PRKD1: variants seen among roughly 807,000 people sequenced by gnomAD.
PRKD1 encodes the protein serine/threonine-protein kinase D1.
In PRKD1, 63 loss-of-function variants were observed where a neutral mutation model predicts 95.9. That is an observed-to-expected ratio of 0.66 (90% CI 0.54 to 0.81). The LOEUF is 0.81. Among genes scored for constraint, PRKD1 ranks in the 30% least tolerant of loss-of-function variants. The pLI, the probability that PRKD1 is intolerant of heterozygous loss-of-function variation, is 0.00. For missense variants in PRKD1, 1,048 were observed against 1,165.3 expected (o/e 0.90, Z 1.47); for synonymous variants, 425 against 423.1 (o/e 1.00, Z -0.05).
intron 1 of PRKD1, among the ~76,000 whole-genome samples, chr14:29,840,834 C>G (rs1356327260): frequency 6.6e-6 from 1 of 152,204 alleles, no homozygotes; most frequent in Non-Finnish European, 1.5e-5. Flanking sequence ...CGGGAAAGAC[C>G]TGACCCCATG....
chr14:29,678,648 T>C lies in PRKD1; in HGVS notation c.404-12440A>G, dbSNP rs148568681. Among the ~76,000 whole-genome samples, 30 of 152,294 alleles carry C rather than the reference T, an allele frequency of 2.0e-4. No homozygotes were observed. In the East Asian group the frequency reaches 5.0e-3, roughly 25 times the overall value. On this transcript the variant is annotated intron_variant, in intron 2 of 17. Transcript: ENST00000331968. ...AAACTCAAATTTCAAAGAGTATGTG[T>C]GTGCACATATTAGGGCAAAGAGGAC...
chr14:29,753,683 T>C (rs1887575913), intron 1 of PRKD1, among the ~76,000 whole-genome samples: 1 of 152,168 alleles, frequency 6.6e-6, no homozygotes, highest in African/African-American at 2.4e-5. Context: ...TATGCATTTA[T>C]TTTGATTTAC....
intron 14 of PRKD1, 145 bp from the exon 15 acceptor site, chr14:29,599,270 G>A (rs975448327): frequency 6.4e-5 from 44 of 688,368 alleles, no homozygotes; most frequent in Admixed American, 1.5e-4. Context: ...GATTAACATA[G>A]GTTTCTAAAG....
chr14:29,873,737 CTG>C (rs1212411167), intron 1 of PRKD1, among the ~76,000 whole-genome samples: 1 of 151,766 alleles, frequency 6.6e-6, no homozygotes, highest in Non-Finnish European at 1.5e-5. Context: ...AGAAAAAACA[CTG>C]TAAAAATAGA....
intron 1 of PRKD1, among the ~76,000 whole-genome samples, chr14:29,778,741 T>C (rs1218417418): frequency 1.3e-5 from 2 of 152,132 alleles, no homozygotes; most frequent in Non-Finnish European, 2.9e-5. Flanking sequence ...CCTTCTGAAA[T>C]GATTCCAATT....
intron 1 of PRKD1, among the ~76,000 whole-genome samples, chr14:29,760,859 T>C (rs866718687): frequency 6.6e-6 from 1 of 152,238 alleles, no homozygotes; most frequent in Non-Finnish European, 1.5e-5. Flanking sequence ...TATATAGTTA[T>C]ATAATAAAAG....
chr14:29,796,618 A>G (rs1889829850), intron 1 of PRKD1, among the ~76,000 whole-genome samples: 2 of 152,124 alleles, frequency 1.3e-5, no homozygotes, highest in African/African-American at 4.8e-5. Flanking sequence ...AAAAGGTCTG[A>G]AAAATGTGGA....
At chr14:29,860,246 A>G (rs1222218323) in intron 1 of PRKD1, among the ~76,000 whole-genome samples, 1 of 152,244 alleles carries the variant, frequency 6.6e-6, no homozygotes, top group African/African-American at 2.4e-5. Flanking sequence ...TTTAGACATG[A>G]CCCACTGTGT....
intron 2 of PRKD1, among the ~76,000 whole-genome samples, chr14:29,718,465 T>C (rs1272811870): frequency 1.3e-5 from 2 of 152,162 alleles, no homozygotes; most frequent in Non-Finnish European, 2.9e-5. Flanking sequence ...CCCAGTCTCA[T>C]GTAGTATCTT....
intron 16 of PRKD1, chr14:29,591,048 A>G (rs1893108760): frequency 1.3e-5 from 2 of 152,220 alleles, no homozygotes; most frequent in Admixed American, 6.5e-5. Flanking sequence ...AAGTGCTGGG[A>G]TTACAGGCAT....
intron 1 of PRKD1, among the ~76,000 whole-genome samples, chr14:29,854,498 G>A (rs1892423777): frequency 6.6e-6 from 1 of 152,208 alleles, no homozygotes. Context: ...AAGCATTCAA[G>A]AGGAGACTTG....
chr14:29,626,731 T>TC (rs1459112051), intron 11 of PRKD1, among the ~76,000 whole-genome samples, 175 bp from the exon 12 acceptor site: 1 of 151,368 alleles, frequency 6.6e-6, no homozygotes, highest in East Asian at 1.9e-4. Context: ...TTTTTTTTTT[T>TC]TGAGATGGAG....
At position 29,733,353 on chromosome 14, in the gene PRKD1, C is replaced by A. The variant is rs1255975895; in HGVS notation, c.265-7679G>T. On this transcript the variant is annotated intron_variant, in intron 1 of 17. Transcript: ENST00000331968. The stretch of plus-strand genomic sequence containing the variant: ...TCCTGGCCTCGTGATCCACCCACCT[C>A]GGCCTCCAAGTGCTGGGATTACAGG... Among the ~76,000 whole-genome samples, 3 of 152,046 alleles carry A rather than the reference C, an allele frequency of 2.0e-5. No individual in the cohort carries two copies. The East Asian group carries it at 5.8e-4, about 29-fold the overall frequency.
chr14:29,861,921 G>C (rs918287769), intron 1 of PRKD1, among the ~76,000 whole-genome samples: 2 of 152,176 alleles, frequency 1.3e-5, no homozygotes, highest in African/African-American at 4.8e-5. Context: ...CAAAGTGCTG[G>C]GATTATAGTC....
intron 2 of PRKD1, among the ~76,000 whole-genome samples, chr14:29,676,187 T>TTTTTTTGTTTTTTTTTTG: frequency 8.3e-6 from 1 of 120,218 alleles, no homozygotes; most frequent in African/African-American, 3.5e-5. Flanking sequence ...GTTTTTGTTT[T>TTTTTTTGTTTTTTTTTTG]TTTTTTTTTT....
intron 4 of PRKD1, among the ~76,000 whole-genome samples, chr14:29,654,041 AG>A (rs1350489271): frequency 6.6e-6 from 1 of 152,140 alleles, no homozygotes; most frequent in Admixed American, 6.5e-5. Context: ...CACTATTTTC[AG>A]TAGAGTTAAA....
chr14:29,873,211 G>A (rs1050584618), intron 1 of PRKD1, among the ~76,000 whole-genome samples: 1 of 152,052 alleles, frequency 6.6e-6, no homozygotes, highest in Non-Finnish European at 1.5e-5. Flanking sequence ...TCAGCCTCCT[G>A]AGTAGCTGGG....
chr14:29,733,155 T>C (rs1886535209), intron 1 of PRKD1, among the ~76,000 whole-genome samples: 1 of 151,152 alleles, frequency 6.6e-6, no homozygotes, highest in South Asian at 2.1e-4. Flanking sequence ...CAGGCTGGAG[T>C]GCAGTGGCGC....
rs116912395 is a variant in PRKD1, at chr14:29,707,511, A to C, written c.403+18025T>G. The stretch of plus-strand genomic sequence containing the variant: ...CATATAGCAATAAAGTAGAAAGATA[A>C]TGTACCTGCCTTTGTGGAAATTATA... On this transcript the variant is annotated intron_variant, in intron 2 of 17. Transcript: ENST00000331968. Among the ~76,000 whole-genome samples, 779 of 152,316 alleles carry C rather than the reference A, an allele frequency of 5.1e-3. 3 individuals carry two copies. Among genetic ancestry groups the C allele is most frequent in the Non-Finnish European group, 7.6e-3 (517 of 68,018 alleles).
Sources: allele counts gnomAD v4.1 joint callset (sites outside exome capture counted in the v4.1 genomes callset), GRCh38; gene constraint gnomAD v4.1.1; transcripts MANE v1.5; gene names NCBI Gene and HGNC (gene_info 2026-07-23, HGNC 2026-07-21).